FGGY: variants seen among roughly 807,000 people sequenced by gnomAD.
FGGY encodes FGGY carbohydrate kinase domain-containing protein.
FGGY carries 72 observed loss-of-function variants against 71.3 expected under a neutral mutation model. The ratio of observed to expected loss-of-function variants is 1.01; its 90% CI spans 0.84 to 1.23. The LOEUF is 1.23. Ranked by LOEUF, FGGY falls within the 50% of genes most tolerant of loss-of-function variation. FGGY has a pLI of 0.00. For missense variants in FGGY, 668 were observed against 682.3 expected (o/e 0.98, Z 0.23); for synonymous variants, 251 against 250.3 (o/e 1.00, Z -0.02).
intron 5 of FGGY, among the ~76,000 whole-genome samples, chr1:59,421,586 C>T (rs1024107307): frequency 2.0e-5 from 3 of 151,688 alleles, no homozygotes; most frequent in Admixed American, 1.3e-4. Flanking sequence ...CTTTCTCCCC[C>T]ACTGCCCCAG....
In FGGY at chr1:59,584,053, G is replaced by A. The variant is rs376778247; in HGVS notation, c.904-23750G>A. The stretch of plus-strand genomic sequence containing the variant: ...TACCAACCAAAAAAAGTCCAGGACC[G>A]GATGGATTCACAGCCGAATTCTACC... On this transcript the variant is annotated intron_variant, in intron 8 of 15. Transcript: ENST00000303721. Among the ~76,000 whole-genome samples the A allele has an allele frequency of 1.3e-4, 19 of 149,714 alleles. 1 individual carries two copies. The South Asian group carries it at 3.6e-3, about 28-fold the overall frequency.
At chr1:59,534,025 A>G (rs1421417609) in intron 7 of FGGY, among the ~76,000 whole-genome samples, 3 of 152,252 alleles carry the variant, frequency 2.0e-5, no homozygotes, top group Admixed American at 6.5e-5. Flanking sequence ...AGACGATCAA[A>G]TTACTCCGAG....
intron 11 of FGGY, among the ~76,000 whole-genome samples, chr1:59,639,419 G>A (rs2096995939): frequency 6.6e-6 from 1 of 152,140 alleles, no homozygotes; most frequent in Non-Finnish European, 1.5e-5. Flanking sequence ...CATGACAAAG[G>A]TTATGTTGAT....
intron 8 of FGGY, among the ~76,000 whole-genome samples, chr1:59,592,353 C>G (rs539767213): frequency 0.027 from 4,141 of 152,004 alleles, 166 homozygotes; most frequent in African/African-American, 0.086. Context: ...TAAACTAGTT[C>G]AACCATTGTG....
At chr1:59,739,950 C>A (rs2098134391) in intron 14 of FGGY, among the ~76,000 whole-genome samples, 1 of 152,146 alleles carries the variant, frequency 6.6e-6, no homozygotes. Flanking sequence ...GTTGTTTATT[C>A]CCCCAGCGCT....
chr1:59,537,842 C>T (rs902995073), intron 7 of FGGY, among the ~76,000 whole-genome samples: 3 of 152,068 alleles, frequency 2.0e-5, no homozygotes, highest in Non-Finnish European at 2.9e-5. Flanking sequence ...ATACAAAAAT[C>T]AATTCAAGAT....
chr1:59,660,397 T>C (rs2097263627), intron 12 of FGGY, 104 bp downstream of exon 12: 2 of 813,082 alleles, frequency 2.5e-6, no homozygotes, highest in Non-Finnish European at 3.8e-6. Context: ...CAGAGATTCT[T>C]AATTAAAAGA....
chr1:59,312,000 A>G (rs1196749364), intron 1 of FGGY, among the ~76,000 whole-genome samples: 1 of 152,232 alleles, frequency 6.6e-6, no homozygotes, highest in East Asian at 1.9e-4. Context: ...TCTAATGATC[A>G]GTGATGTTGA....
intron 5 of FGGY, among the ~76,000 whole-genome samples, chr1:59,419,957 A>T (rs1472510978): frequency 2.0e-5 from 3 of 152,190 alleles, no homozygotes; most frequent in Admixed American, 2.0e-4. Context: ...TTGTAAGCCT[A>T]TTAGTTCAGA....
intron 12 of FGGY, among the ~76,000 whole-genome samples, chr1:59,665,647 G>A (rs2097316624): frequency 6.6e-6 from 1 of 151,084 alleles, no homozygotes; most frequent in African/African-American, 2.4e-5. Context: ...TGAGGTCAGG[G>A]CAGCATCCTG....
At chr1:59,510,054 T>C (rs1474934051) in intron 6 of FGGY, among the ~76,000 whole-genome samples, 1 of 146,292 alleles carries the variant, frequency 6.8e-6, no homozygotes, top group Admixed American at 6.9e-5. Context: ...TTTTTTTTTT[T>C]TAACATACAT....
chr1:59,417,143 G>A (rs2064603204), intron 5 of FGGY, among the ~76,000 whole-genome samples: 1 of 152,146 alleles, frequency 6.6e-6, no homozygotes, highest in Middle Eastern at 3.4e-3. Context: ...CCTAGCCATT[G>A]GCAACCACTA....
chr1:59,733,557 T>C (rs1037768205), intron 14 of FGGY, among the ~76,000 whole-genome samples: 3 of 152,200 alleles, frequency 2.0e-5, no homozygotes, highest in African/African-American at 7.2e-5. Context: ...ATTCATTTCT[T>C]ACTAAATAGT....
In FGGY at chr1:59,721,337, G is replaced by GTTTTTTTTTTTTTTTTTTTTTT. The variant is rs71046339; in HGVS notation, c.1513-36575_1513-36574insTTTTTTTTTTTTTTTTTTTTTT. Among the ~76,000 whole-genome samples, 12 of 105,376 alleles carry GTTTTTTTTTTTTTTTTTTTTTT rather than the reference G, an allele frequency of 1.1e-4. 1 individual carries two copies. The highest frequency in any genetic ancestry group is 3.5e-4 in the Admixed American group (3 of 8,564). 69.1% of individuals were successfully genotyped at this position (105,376 alleles called of 152,430 possible). A position where few individuals can be genotyped will look rare whatever the true frequency, so the allele number is the denominator to read the frequency against. The stretch of plus-strand genomic sequence containing the variant: ...AGAGAGTTTTTCTTTTCTTTCCTTT[G>GTTTTTTTTTTTTTTTTTTTTTT]TTTTTTTTTTTTTTTTTTTGAGACG... On this transcript the variant is annotated intron_variant, in intron 14 of 15. Transcript: ENST00000303721.
intron 8 of FGGY, among the ~76,000 whole-genome samples, chr1:59,599,686 C>CAA (rs76397509): frequency 2.7e-3 from 134 of 49,292 alleles, no homozygotes; most frequent in East Asian, 6.5e-3. Flanking sequence ...GAGCAAGACT[C>CAA]AAAAAAAAAA....
chr1:59,517,039 AGT>A (rs1403821724), intron 7 of FGGY, among the ~76,000 whole-genome samples: 1 of 152,200 alleles, frequency 6.6e-6, no homozygotes, highest in African/African-American at 2.4e-5. Flanking sequence ...GGTGCTGGTT[AGT>A]AAGTTCTCCA....
chr1:59,401,960 C>A (rs889935714), intron 5 of FGGY, among the ~76,000 whole-genome samples: 2 of 152,188 alleles, frequency 1.3e-5, no homozygotes, highest in Non-Finnish European at 2.9e-5. Flanking sequence ...GGTACCATGG[C>A]GTTCTGTGTT....
intron 7 of FGGY, among the ~76,000 whole-genome samples, chr1:59,529,249 A>G (rs1294338449): frequency 1.3e-5 from 2 of 152,260 alleles, no homozygotes; most frequent in African/African-American, 4.8e-5. Context: ...CTTTCAGTTG[A>G]AACAGTAAGG....
At chr1:59,481,901 A>G (rs564763446) in intron 6 of FGGY, among the ~76,000 whole-genome samples, 8 of 152,284 alleles carry the variant, frequency 5.3e-5, no homozygotes, top group South Asian at 2.1e-4. Context: ...ATTTGGATCT[A>G]TTTCACAGAG....
Sources: allele counts gnomAD v4.1 joint callset (sites outside exome capture counted in the v4.1 genomes callset), GRCh38; gene constraint gnomAD v4.1.1; transcripts MANE v1.5; gene names NCBI Gene and HGNC (gene_info 2026-07-23, HGNC 2026-07-21).